The following EIF3B variants were observed in gnomAD, a reference collection of about 807,000 sequenced individuals.
The protein encoded by EIF3B is eukaryotic translation initiation factor 3 subunit 9.
EIF3B carries 10 observed loss-of-function variants against 104.6 expected under a neutral mutation model. That is an observed-to-expected ratio of 0.10 (90% CI 0.06 to 0.16). The LOEUF is 0.16. EIF3B is among the 10% of genes least tolerant of loss of function. EIF3B has a pLI of 1.00. For missense variants in EIF3B, 1,014 were observed against 1,087.9 expected, an observed-to-expected ratio of 0.93 and a Z score of 0.96; for synonymous variants, 542 against 417.2, an observed-to-expected ratio of 1.30 and a Z score of -3.65.
At position 2,375,547 on chromosome 7, in the gene EIF3B, A is replaced by G. The variant is rs754784749; in HGVS notation, c.2028+20A>G. Reference sequence around the variant, plus strand: ...CATAAGGTGCAGGCCTGTGGGGCATAGTTTTGACTGTGGATAGAAGCAGGG... The same window carrying G: ...CATAAGGTGCAGGCCTGTGGGGCATGGTTTTGACTGTGGATAGAAGCAGGG... On this transcript the variant is annotated intron_variant, in intron 14 of 18. Coordinates refer to ENST00000360876, the MANE Select transcript of EIF3B (RefSeq NM_001037283.2). 2.5e-6 allele frequency: 4 copies of G among 1,613,860 alleles called. No homozygotes were observed. Among genetic ancestry groups the G allele is most frequent in the Non-Finnish European group, 2.5e-6 (3 of 1,179,838 alleles).
At chr7:2,371,939 A>G (rs1780364177) in intron 11 of EIF3B, 90 bp downstream of exon 11, 3 of 1,052,030 alleles carry the variant, frequency 2.9e-6, no homozygotes, top group Non-Finnish European at 4.5e-6. Context: ...GGGTTGTCTG[A>G]GCAGCTGAGT....
intron 10 of EIF3B, among the ~76,000 whole-genome samples, chr7:2,370,471 C>A (rs1400070020): frequency 6.6e-6 from 1 of 152,034 alleles, no homozygotes; most frequent in East Asian, 1.9e-4. Flanking sequence ...CAGAGCCAGA[C>A]TGCGTCTCAC....
Position 2,369,677 on chromosome 7 carries a change from A to G in EIF3B, c.1609A>G (p.Thr537Ala). The G allele has an allele frequency of 6.2e-7, 1 of 1,612,218 alleles. No homozygotes were observed. Among genetic ancestry groups the G allele is most frequent in the Non-Finnish European group, 8.5e-7 (1 of 1,179,456 alleles). The change falls in exon 10 of 19, where the codon ACC becomes GCC. Residue 537 changes from threonine (T) to alanine (A), a missense_variant. Thr to Ala is a moderately conservative substitution (Grantham distance 58). Around this residue, in one of 4 missense-constraint regions of EIF3B, gnomAD observed 59 missense variants for 118.8 expected, o/e 0.50. Coordinates refer to ENST00000360876, the MANE Select transcript of EIF3B (RefSeq NM_001037283.2). ...CVKVDRTPKGTQGVVTNFEIF... is the reference protein window; with the variant it reads ...CVKVDRTPKGAQGVVTNFEIF... ...GAAAGTAGATAGGACTCCGAAAGGC[A>G]CCCAGGTATGTAGATTCCCACAGGA... is the stretch of plus-strand genomic sequence containing the variant.
chr7:2,367,844 T>A lies in EIF3B; in HGVS notation c.1403+799T>A, dbSNP rs1487683293. Among the ~76,000 whole-genome samples, 23 of 128,408 alleles carry A rather than the reference T, an allele frequency of 1.8e-4. No homozygotes were observed. The South Asian group carries it at 6.3e-3, about 35-fold the overall frequency. The allele number at this position is 128,408 out of a possible 152,430, so 84.2% of individuals were successfully genotyped here. On this transcript the variant is annotated intron_variant, in intron 9 of 18. Coordinates refer to ENST00000360876, the MANE Select transcript of EIF3B (RefSeq NM_001037283.2). ...TTTAAAATTTTTTTTTTTTTTTTTT[T>A]TTTTTTTTTTTTTTTGAGGCAGAGT...
At chr7:2,358,890 A>G (rs1037503777) in intron 1 of EIF3B, among the ~76,000 whole-genome samples, 4 of 152,192 alleles carry the variant, frequency 2.6e-5, no homozygotes, top group South Asian at 2.1e-4. Context: ...CATCACATCA[A>G]GAACAGCTTC....
chr7:2,375,306 C>T, intron 13 of EIF3B, 83 bp from the exon 14 acceptor site: 2 of 1,580,014 alleles, frequency 1.3e-6, no homozygotes, highest in Non-Finnish European at 1.7e-6. Flanking sequence ...CCCTGGGGAC[C>T]CCATGCCGCA....
chr7:2,364,185 C>G, intron 5 of EIF3B, 187 bp from the exon 6 acceptor site: 1 of 560,972 alleles, frequency 1.8e-6, no homozygotes, highest in Non-Finnish European at 3.1e-6. Context: ...TGGCATGAAC[C>G]TGGGAGGTGG....
intron 7 of EIF3B, 38 bp downstream of exon 7, chr7:2,366,486 C>G (rs1263533217): frequency 5.6e-6 from 9 of 1,613,982 alleles, no homozygotes; most frequent in Non-Finnish European, 7.6e-6. Context: ...TAGCCTTTGT[C>G]TTTTCATGGG....
At chr7:2,362,616 G>T in intron 2 of EIF3B, 29 bp from the exon 3 acceptor site, 1 of 1,613,786 alleles carries the variant, frequency 6.2e-7, no homozygotes, top group South Asian at 1.1e-5. Context: ...TACAGTGTGG[G>T]TATGTGCCAA....
intron 9 of EIF3B, among the ~76,000 whole-genome samples, chr7:2,367,845 T>A (rs1780118024): frequency 7.8e-6 from 1 of 128,806 alleles, no homozygotes; most frequent in South Asian, 2.7e-4. Flanking sequence ...TTTTTTTTTT[T>A]TTTTTTTTTT....
chr7:2,379,604 AG>A (rs1780884718), intron 18 of EIF3B, 93 bp downstream of exon 18: 1 of 803,508 alleles, frequency 1.2e-6, no homozygotes, highest in African/African-American at 1.7e-5. Context: ...CCTTTAAGGC[AG>A]GGGTGAAGGG....
In EIF3B at chr7:2,375,539, T is replaced by TG. The variant is rs1780583393; in HGVS notation, c.2028+16dup. On this transcript the variant is annotated intron_variant, in intron 14 of 18. Transcript: ENST00000360876. The stretch of plus-strand genomic sequence containing the variant: ...GGTGGAGCCATAAGGTGCAGGCCTG[T>TG]GGGGCATAGTTTTGACTGTGGATAG... 1 of 1,614,056 alleles carries TG rather than the reference T, an allele frequency of 6.2e-7. No individual in the cohort carries two copies. Among genetic ancestry groups the TG allele is most frequent in the East Asian group, 2.2e-5 (1 of 44,874 alleles).
At chr7:2,360,518 G>A (rs528324968) in intron 1 of EIF3B, among the ~76,000 whole-genome samples, 192 bp from the exon 2 acceptor site, 2 of 152,266 alleles carry the variant, frequency 1.3e-5, no homozygotes, top group Non-Finnish European at 2.9e-5. Flanking sequence ...CAAAGGGAGA[G>A]AGGAGAGTTC....
intron 11 of EIF3B, chr7:2,372,134 G>A (rs917685127): frequency 2.5e-6 from 1 of 401,320 alleles, no homozygotes; most frequent in African/African-American, 2.0e-5. Flanking sequence ...TTGAGCCCAG[G>A]AGCAGAGGTT....
chr7:2,374,507 A>G lies in EIF3B; in HGVS notation c.1811-21A>G, dbSNP rs886632. ...TGTGGAAGCCCTCGCAGCTCGTGAC[A>G]GGCGCGCTCTTTCCTTTCAGAGATG... On this transcript the variant is annotated intron_variant, in intron 12 of 18. Coordinates refer to ENST00000360876, the MANE Select transcript of EIF3B (RefSeq NM_001037283.2). 1,196,900 of 1,612,088 alleles carry G rather than the reference A, an allele frequency of 0.74. 447,458 individuals are homozygous for G. The highest frequency in any genetic ancestry group is 0.91 in the East Asian group (40,936 of 44,820).
chr7:2,376,835 C>T, intron 14 of EIF3B, 115 bp from the exon 15 acceptor site: 1 of 1,455,424 alleles, frequency 6.9e-7, no homozygotes. Flanking sequence ...ACAGGCAGAG[C>T]TTTGTTTGCT....
rs1780924741 is a variant in EIF3B at position 2,380,205 on chromosome 7, G to A, written c.*16G>A. On this transcript the variant is annotated splice_region_variant and 3_prime_UTR_variant, in exon 19 of 19. Transcript: ENST00000360876. ...GGGCCGCCATGCCTGTCTATCCAGG[G>A]GACGGACTCCGCCTGCTGTTCCCGC... is the stretch of plus-strand genomic sequence containing the variant. The A allele has an allele frequency of 8.1e-6, 3 of 370,142 alleles. No individual in the cohort carries two copies. The highest frequency in any genetic ancestry group is 1.6e-5 in the Non-Finnish European group (3 of 184,478). 22.9% of individuals were successfully genotyped at this position (370,142 alleles called of 1,614,324 possible).
In EIF3B at chr7:2,369,607, G is replaced by A. The variant is rs1439957747; in HGVS notation, c.1539G>A (p.Val513=). Reference sequence around the variant, plus strand: ...GAGTGAGGAACCTGTTCAATGTGGTGGACTGCAAGCTCCATTGGCAGAAGA... The same window carrying A: ...GAGTGAGGAACCTGTTCAATGTGGTAGACTGCAAGCTCCATTGGCAGAAGA... ...EIRVRNLFNV[V]DCKLHWQKNG... The change falls in exon 10 of 19, where the codon GTG becomes GTA. Residue 513 remains valine (V), a synonymous_variant. Coordinates refer to ENST00000360876, the MANE Select transcript of EIF3B (RefSeq NM_001037283.2). 3 of 1,614,050 alleles carry A rather than the reference G, an allele frequency of 1.9e-6. No homozygotes were observed. Among genetic ancestry groups the A allele is most frequent in the African/African-American group, 1.3e-5 (1 of 74,996 alleles).
intron 12 of EIF3B, 30 bp from the exon 13 acceptor site, chr7:2,374,498 G>A (rs1399239520): frequency 6.2e-7 from 1 of 1,611,444 alleles, no homozygotes. Context: ...AGCCCTCGCA[G>A]CTCGTGACAG....
Sources: gnomAD v4.1 joint callset for allele counts (sites outside exome capture counted in the v4.1 genomes callset) on GRCh38, gnomAD v4.1.1 for gene constraint, gnomAD v4.1.1 regional missense constraint, MANE v1.5 for transcripts, NCBI Gene and HGNC (gene_info 2026-07-23, HGNC 2026-07-21) for gene names.